Variants in CACNA2D1 observed in about 807,000 individuals in gnomAD.
CACNA2D1 encodes calcium voltage-gated channel auxiliary subunit alpha2delta 1.
Under a neutral mutation model 171.5 loss-of-function variants are expected in CACNA2D1, and 53 were observed. That is an observed-to-expected ratio of 0.31 (90% CI 0.25 to 0.39). The LOEUF (loss-of-function observed/expected upper bound fraction) is 0.39, where lower values mean the gene tolerates loss of function less well. CACNA2D1 is among the 10% of genes least tolerant of loss of function. The probability of loss-of-function intolerance (pLI) is 1.00; values close to 1 mark genes in which losing one functional copy is unlikely to be tolerated. For missense variants in CACNA2D1, 903 were observed against 1,299.8 expected, an observed-to-expected ratio of 0.69 and a Z score of 4.69; for synonymous variants, 442 against 443.1, an observed-to-expected ratio of 1.00 and a Z score of 0.03.
intron 1 of CACNA2D1, among the ~76,000 whole-genome samples, chr7:82,441,797 A>G (rs1197159491): frequency 6.6e-6 from 1 of 152,172 alleles, no homozygotes; most frequent in Non-Finnish European, 1.5e-5. Context: ...AGAGCCACTT[A>G]TTTATTTGAC....
At chr7:81,981,971 CATATATGTGTATATATGTGT>C (rs1796483309) in intron 24 of CACNA2D1, among the ~76,000 whole-genome samples, 1 of 152,042 alleles carries the variant, frequency 6.6e-6, no homozygotes, top group South Asian at 2.1e-4. Context: ...AATATTGGTA[CATATATGTGTATATATGTGT>C]ACATATGTGT....
rs1554341873 is a variant in CACNA2D1, at chr7:81,991,211, C to T, written c.1770G>A (p.Trp590Ter). 1 of 1,534,994 alleles carries T rather than the reference C, an allele frequency of 6.5e-7. No individual in the cohort carries two copies. Among genetic ancestry groups the T allele is most frequent in the Non-Finnish European group, 9.0e-7 (1 of 1,108,278 alleles). The change falls in exon 21 of 39, where the codon TGG becomes TGA. Residue 590 changes from tryptophan to a stop codon, truncating the protein, a stop_gained. Coordinates refer to ENST00000356860, the MANE Select transcript of CACNA2D1 (RefSeq NM_000722.4). LOFTEE classifies it high-confidence loss of function. ...YIDKGNRTYT[W>*]TPVNGTDYSL... The stretch of plus-strand genomic sequence containing the variant: ...TGTAATCTGTGCCATTGACAGGTGT[C>T]CATGTGTATGTCCTGTTTCCTTTGT...
rs575133157 is a variant in CACNA2D1, at chr7:82,281,333, G to T, written c.294+53802C>A. ...AGAACAAGTCATTGTGTCGAGAGAC[G>T]CAGTCCCATGTCAGTAACTGGTCAG... is the stretch of plus-strand genomic sequence containing the variant. On this transcript the variant is annotated intron_variant, in intron 3 of 38. Transcript: ENST00000356860. Among the ~76,000 whole-genome samples the T allele has an allele frequency of 3.2e-4, 48 of 152,290 alleles. 2 individuals carry two copies. The South Asian group carries it at 8.9e-3, about 28-fold the overall frequency.
intron 10 of CACNA2D1, among the ~76,000 whole-genome samples, chr7:82,054,785 C>T (rs982111962): frequency 6.6e-6 from 1 of 152,126 alleles, no homozygotes; most frequent in African/African-American, 2.4e-5. Flanking sequence ...CAAAAAACTC[C>T]TCAGATGCTA....
intron 4 of CACNA2D1, among the ~76,000 whole-genome samples, chr7:82,141,319 T>C (rs760463666): frequency 1.3e-5 from 2 of 151,960 alleles, no homozygotes; most frequent in African/African-American, 4.8e-5. Flanking sequence ...CTTTTATAGA[T>C]ATGAGTTTTA....
At chr7:81,977,199 T>C (rs1411918322) in intron 24 of CACNA2D1, among the ~76,000 whole-genome samples, 2 of 152,122 alleles carry the variant, frequency 1.3e-5, no homozygotes, top group African/African-American at 4.8e-5. Context: ...GTCACAAATA[T>C]CTCTTATTAT....
intron 4 of CACNA2D1, 36 bp from the exon 5 acceptor site, chr7:82,136,712 AAAAAC>A (rs1250961040): frequency 7.2e-7 from 1 of 1,395,150 alleles, no homozygotes; most frequent in South Asian, 1.2e-5. Flanking sequence ...TGATTTTAAT[AAAAAC>A]AATACTGTAT....
chr7:82,058,996 T>A (rs959462124), intron 10 of CACNA2D1, among the ~76,000 whole-genome samples: 16 of 152,222 alleles, frequency 1.1e-4, no homozygotes, highest in Admixed American at 9.2e-4. Flanking sequence ...CTAGTAAATA[T>A]CAATAATCTA....
At chr7:82,140,227 TAGAC>T (rs1792210018) in intron 4 of CACNA2D1, among the ~76,000 whole-genome samples, 1 of 152,196 alleles carries the variant, frequency 6.6e-6, no homozygotes, top group Admixed American at 6.5e-5. Context: ...TATGCATGCT[TAGAC>T]AGGCTGTCAC....
intron 6 of CACNA2D1, among the ~76,000 whole-genome samples, chr7:82,108,596 T>C (rs752332105): frequency 1.3e-5 from 2 of 152,168 alleles, no homozygotes; most frequent in Non-Finnish European, 2.9e-5. Context: ...TGTTCTGTGA[T>C]CTGAAATGAA....
At chr7:82,079,895 A>G (rs1809501569) in intron 7 of CACNA2D1, among the ~76,000 whole-genome samples, 1 of 151,952 alleles carries the variant, frequency 6.6e-6, no homozygotes, top group African/African-American at 2.4e-5. Flanking sequence ...GACCATAATA[A>G]TAACTATGTT....
At chr7:82,332,655 T>G (rs1027570326) in intron 3 of CACNA2D1, among the ~76,000 whole-genome samples, 1 of 151,898 alleles carries the variant, frequency 6.6e-6, no homozygotes, top group Non-Finnish European at 1.5e-5. Context: ...AAACAGGAAA[T>G]TCAGAGTTGT....
intron 10 of CACNA2D1, among the ~76,000 whole-genome samples, chr7:82,043,124 A>G (rs955621244): frequency 2.0e-5 from 3 of 152,232 alleles, no homozygotes; most frequent in African/African-American, 7.2e-5. Context: ...TAATCAAACT[A>G]TGGAAATTAG....
At chr7:82,283,037 C>T (rs144093685) in intron 3 of CACNA2D1, among the ~76,000 whole-genome samples, 2 of 152,138 alleles carry the variant, frequency 1.3e-5, no homozygotes, top group East Asian at 1.9e-4. Context: ...ACATCTGAAT[C>T]GAGAGACAGA....
At chr7:82,130,560 T>G (rs1790835955) in intron 5 of CACNA2D1, among the ~76,000 whole-genome samples, 1 of 152,000 alleles carries the variant, frequency 6.6e-6, no homozygotes, top group African/African-American at 2.4e-5. Flanking sequence ...CTTAGATGAT[T>G]GTATTAGAGC....
At chr7:82,122,741 CAACATAGCACTCCCCATGGA>C (rs1789884136) in intron 5 of CACNA2D1, among the ~76,000 whole-genome samples, 1 of 152,112 alleles carries the variant, frequency 6.6e-6, no homozygotes, top group Admixed American at 6.6e-5. Context: ...TCTGAAAGTT[CAACATAGCACTCCCCATGGA>C]AACCATGTAG....
intron 3 of CACNA2D1, among the ~76,000 whole-genome samples, chr7:82,320,115 C>A (rs977223425): frequency 6.6e-6 from 1 of 152,000 alleles, no homozygotes; most frequent in African/African-American, 2.4e-5. Context: ...TTGCCCCAAC[C>A]AGCCTGTTAA....
At chr7:82,334,688 A>C (rs76216185) in intron 3 of CACNA2D1, among the ~76,000 whole-genome samples, 10,221 of 152,194 alleles carry the variant, frequency 0.067, 446 homozygotes, top group African/African-American at 0.13. Flanking sequence ...AAAAGAAAAA[A>C]AATGGTAACT....
intron 4 of CACNA2D1, among the ~76,000 whole-genome samples, chr7:82,157,906 C>T: frequency 6.6e-6 from 1 of 151,886 alleles, no homozygotes; most frequent in East Asian, 1.9e-4. Flanking sequence ...AGGTAACAAA[C>T]TCCAACATTT....
Sources: gnomAD v4.1 joint callset for allele counts (sites outside exome capture counted in the v4.1 genomes callset) on GRCh38, gnomAD v4.1.1 for gene constraint, MANE v1.5 for transcripts, NCBI Gene and HGNC (gene_info 2026-07-23, HGNC 2026-07-21) for gene names.